Variants in MSRA observed in about 807,000 individuals in gnomAD.
The protein encoded by MSRA is mitochondrial peptide methionine sulfoxide reductase.
A neutral mutation model predicts 31.3 loss-of-function variants in MSRA; 54 were observed. That is an observed-to-expected ratio of 1.73 (90% CI 1.39 to 2.17). The LOEUF (loss-of-function observed/expected upper bound fraction) is 2.17, where lower values mean the gene tolerates loss of function less well. Ranked by LOEUF, MSRA falls within the 30% of genes most tolerant of loss-of-function variation. The pLI is 0.00. For synonymous variants in MSRA, 169 were observed against 116.5 expected (o/e 1.45, Z -2.90); for missense variants, 507 against 300.9 (o/e 1.69, Z -5.07).
At chr8:10,422,597 A>G (rs911777628) in intron 5 of MSRA, among the ~76,000 whole-genome samples, 2 of 152,174 alleles carry the variant, frequency 1.3e-5, no homozygotes, top group African/African-American at 4.8e-5. Flanking sequence ...CACACACACA[A>G]AAAAATGCCA....
chr8:10,253,180 T>A (rs146193201), intron 3 of MSRA, among the ~76,000 whole-genome samples: 1 of 152,222 alleles, frequency 6.6e-6, no homozygotes. Flanking sequence ...GTGCCTTTCC[T>A]TCCCCTTCAG....
At chr8:10,223,089 T>G (rs1810672870) in intron 2 of MSRA, among the ~76,000 whole-genome samples, 1 of 152,232 alleles carries the variant, frequency 6.6e-6, no homozygotes, top group Non-Finnish European at 1.5e-5. Context: ...TGTTTGTCAA[T>G]TAAAAAGTAA....
chr8:10,337,690 A>G (rs1563366658), intron 5 of MSRA: 1 of 701,702 alleles, frequency 1.4e-6, no homozygotes, highest in Non-Finnish European at 2.6e-6. Context: ...TGAACCTTAT[A>G]CTCCTCCTCT....
chr8:10,408,766 A>G (rs938810604), intron 5 of MSRA, among the ~76,000 whole-genome samples: 9 of 135,742 alleles, frequency 6.6e-5, no homozygotes, highest in Non-Finnish European at 1.2e-4. Flanking sequence ...GTCTCCAGTA[A>G]CTATTATGTT....
At chr8:10,121,760 T>A (rs929928676) in intron 1 of MSRA, among the ~76,000 whole-genome samples, 5 of 151,948 alleles carry the variant, frequency 3.3e-5, no homozygotes, top group African/African-American at 1.2e-4. Flanking sequence ...GGCTTCAGAC[T>A]CCTAAGCTCA....
chr8:10,175,646 C>T (rs1563183445), intron 1 of MSRA, among the ~76,000 whole-genome samples: 1 of 152,204 alleles, frequency 6.6e-6, no homozygotes, highest in Non-Finnish European at 1.5e-5. Flanking sequence ...TGGAGCCTTA[C>T]GTACTGGCTA....
At chr8:10,267,638 G>C (rs1261839118) in intron 3 of MSRA, among the ~76,000 whole-genome samples, 1 of 152,086 alleles carries the variant, frequency 6.6e-6, no homozygotes, top group Admixed American at 6.5e-5. Flanking sequence ...CAAAAGTCAG[G>C]AGAGAGATAC....
At chr8:10,377,780 C>T (rs1176382221) in intron 5 of MSRA, among the ~76,000 whole-genome samples, 1 of 152,210 alleles carries the variant, frequency 6.6e-6, no homozygotes, top group Non-Finnish European at 1.5e-5. Context: ...GTGACTCTTT[C>T]AGAGGAGGGT....
chr8:10,217,914 C>T (rs1249724804), intron 2 of MSRA, among the ~76,000 whole-genome samples: 1 of 151,926 alleles, frequency 6.6e-6, no homozygotes, highest in Non-Finnish European at 1.5e-5. Flanking sequence ...TCTGTAAGTT[C>T]ACCCTTCTTT....
intron 5 of MSRA, among the ~76,000 whole-genome samples, chr8:10,332,168 C>T (rs1402510934): frequency 1.3e-5 from 2 of 152,170 alleles, no homozygotes; most frequent in African/African-American, 4.8e-5. Flanking sequence ...AGCATCCCTT[C>T]TCGGTCTGTT....
intron 5 of MSRA, among the ~76,000 whole-genome samples, chr8:10,326,176 C>T (rs1236102770): frequency 6.6e-6 from 1 of 152,128 alleles, no homozygotes; most frequent in East Asian, 1.9e-4. Flanking sequence ...CTAGCCTGCT[C>T]CCAGTGACCC....
intron 5 of MSRA, among the ~76,000 whole-genome samples, chr8:10,369,924 C>G (rs1805384407): frequency 6.6e-6 from 1 of 152,118 alleles, no homozygotes; most frequent in African/African-American, 2.4e-5. Flanking sequence ...GTTATGAGAC[C>G]ATGAGTTCAT....
At chr8:10,194,658 G>A (rs998821124) in intron 1 of MSRA, among the ~76,000 whole-genome samples, 3 of 152,182 alleles carry the variant, frequency 2.0e-5, no homozygotes, top group Non-Finnish European at 4.4e-5. Flanking sequence ...GCCTTCTAGG[G>A]TACTTACTTG....
intron 2 of MSRA, among the ~76,000 whole-genome samples, chr8:10,239,691 C>T (rs1261051764): frequency 1.3e-5 from 2 of 152,154 alleles, no homozygotes; most frequent in Non-Finnish European, 2.9e-5. Context: ...TAAAAGTGTA[C>T]TGTTTTGGGG....
chr8:10,298,878 T>A (rs895216551), intron 3 of MSRA, among the ~76,000 whole-genome samples: 2 of 152,210 alleles, frequency 1.3e-5, no homozygotes, highest in Admixed American at 6.5e-5. Flanking sequence ...TATATATCTT[T>A]TCTATTAGTT....
chr8:10,382,500 A>G (rs917386573), intron 5 of MSRA, among the ~76,000 whole-genome samples: 5 of 152,096 alleles, frequency 3.3e-5, no homozygotes, highest in African/African-American at 1.2e-4. Context: ...TGAGTGCCCT[A>G]TTTGCAGAAT....
At chr8:10,103,862 A>G (rs919320714) in intron 1 of MSRA, among the ~76,000 whole-genome samples, 1 of 152,138 alleles carries the variant, frequency 6.6e-6, no homozygotes, top group Non-Finnish European at 1.5e-5. Flanking sequence ...AAAAAAATTA[A>G]GGATATAACT....
At chr8:10,362,657 C>T (rs190925007) in intron 5 of MSRA, among the ~76,000 whole-genome samples, 1 of 152,022 alleles carries the variant, frequency 6.6e-6, no homozygotes, top group African/African-American at 2.4e-5. Context: ...CCTGCTCCCC[C>T]ACCAATTTCT....
intron 4 of MSRA, among the ~76,000 whole-genome samples, chr8:10,302,704 C>A (rs1563328135): frequency 6.6e-6 from 1 of 152,146 alleles, no homozygotes; most frequent in Non-Finnish European, 1.5e-5. Context: ...GGTTCAGGAT[C>A]CACGCAGATC....
Sources: allele counts gnomAD v4.1 joint callset (sites outside exome capture counted in the v4.1 genomes callset), GRCh38; gene constraint gnomAD v4.1.1; transcripts MANE v1.5; gene names NCBI Gene and HGNC (gene_info 2026-07-23, HGNC 2026-07-21).